The following AP1G2 variants were observed in gnomAD, a reference collection of about 807,000 sequenced individuals.
AP1G2 encodes the protein adaptor related protein complex 1 subunit gamma 2.
In AP1G2, 85 loss-of-function variants were observed where a neutral mutation model predicts 95.8. The ratio of observed to expected loss-of-function variants is 0.89; its 90% confidence interval spans 0.74 to 1.06. AP1G2 has a LOEUF of 1.06. Ranked by LOEUF, AP1G2 falls within the 50% of genes least tolerant of loss-of-function variation. The pLI is 0.00. For synonymous variants in AP1G2, 378 were observed against 400.0 expected, an observed-to-expected ratio of 0.94 and a Z score of 0.66; for missense variants, 967 against 1,005.8, an observed-to-expected ratio of 0.96 and a Z score of 0.52.
intron 14 of AP1G2, chr14:23,562,935 A>G: frequency 1.5e-6 from 1 of 646,952 alleles, no homozygotes; most frequent in Non-Finnish European, 2.2e-6. Flanking sequence ...TCAGAACTAC[A>G]TGGCCTAACC....
At chr14:23,562,212 T>C (rs1317870691) in intron 16 of AP1G2, 76 bp downstream of exon 16, 1 of 1,602,030 alleles carries the variant, frequency 6.2e-7, no homozygotes, top group Non-Finnish European at 8.5e-7. Context: ...GCTGGGCATG[T>C]ATGCCTGGAA....
chr14:23,567,026 C>A lies in AP1G2; in HGVS notation c.204+85G>T. 7.1e-7 allele frequency: 1 copy of A among 1,402,474 alleles called. No individual in the cohort carries two copies. The highest frequency in any genetic ancestry group is 2.5e-5 in the Admixed American group (1 of 39,854). The allele number at this position is 1,402,474 out of a possible 1,614,324, so 86.9% of individuals were successfully genotyped here. On this transcript the variant is annotated intron_variant, in intron 2 of 21. Coordinates refer to ENST00000397120, the MANE Select transcript of AP1G2 (RefSeq NM_003917.5). This position sits in a 1 kb window ranked among gnomAD's most constrained non-coding sequence, Gnocchi z 5.3. ...CTCTGAAATTGTAGAATTTAAAAAACCAGGGCATAAACAGGTGAGAGAGTC... is the reference window on the plus strand; with the variant it reads ...CTCTGAAATTGTAGAATTTAAAAAAACAGGGCATAAACAGGTGAGAGAGTC...
chr14:23,561,827 A>G (rs537656682), intron 17 of AP1G2, 135 bp downstream of exon 17: 3 of 1,468,136 alleles, frequency 2.0e-6, no homozygotes, highest in Admixed American at 4.8e-5. Context: ...CTTAGCTTCA[A>G]TTAACAGTGG....
rs768765712 is a variant in AP1G2, at chr14:23,564,062, C to G, written c.1075G>C (p.Asp359His). 9.3e-6 allele frequency: 15 copies of G among 1,614,046 alleles called. No homozygotes were observed. The highest frequency in any genetic ancestry group is 2.7e-5 in the African/African-American group (2 of 74,934). ...ACTGCTCACCGGCTGAGGGAGGCAT[C>G]AGTTTCCCGTAGACATTCCACCACA... ...PTVVECLRET[D>H]ASLSRRALEL... The change falls in exon 11 of 22, where the codon GAT becomes CAT. Residue 359 changes from aspartate to histidine, a missense_variant. Asp to His is a moderately conservative substitution (Grantham distance 81). Transcript: ENST00000397120.
Position 23,567,094 on chromosome 14 carries a change from GTATTC to G in AP1G2, c.204+12_204+16del, listed in dbSNP as rs1484151565. On this transcript the variant is annotated intron_variant, in intron 2 of 21. Transcript: ENST00000397120. The surrounding 1 kb of genome is among the most constrained non-coding windows in gnomAD (Gnocchi z 5.3). Reference sequence around the variant, plus strand: ...AGCCTTCATCAAGCTCAGGAGGGAGGTATTCCTGGCCAGTACCTGTCCAAAGTGGG... The same window carrying G: ...AGCCTTCATCAAGCTCAGGAGGGAGGCTGGCCAGTACCTGTCCAAAGTGGG... 6.2e-7 allele frequency: 1 copy of G among 1,603,660 alleles called. No individual in the cohort carries two copies. The highest frequency in any genetic ancestry group is 1.7e-5 in the Admixed American group (1 of 57,278).
At chr14:23,565,404 T>G (rs1201500716) in intron 7 of AP1G2, 1 of 716,370 alleles carries the variant, frequency 1.4e-6, no homozygotes, top group Non-Finnish European at 2.3e-6. Context: ...AAAAAAAAAT[T>G]GTTAACAAAC....
rs1260537467 is a variant in AP1G2 at position 23,566,297 on chromosome 14, C to T, written c.452G>A (p.Ser151Asn). ...TCTCACCTTCTTGCGCACGTAGGGA[C>T]TGGGCTGCAGGAGCAGTTTCTCCAC... The part of the protein sequence containing the change: ...PEVEKLLLQP[S>N]PYVRKKAILT... Residue 151 changes from serine to asparagine, a missense_variant, in exon 4 of 22, where the codon AGT (serine) becomes AAT (asparagine). Coordinates refer to ENST00000397120, the MANE Select transcript of AP1G2 (RefSeq NM_003917.5). 1 of 1,613,870 alleles carries T rather than the reference C, an allele frequency of 6.2e-7. No individual in the cohort carries two copies. The highest frequency in any genetic ancestry group is 8.5e-7 in the Non-Finnish European group (1 of 1,180,030).
rs1256491648 is a variant in AP1G2 at position 23,567,684 on chromosome 14, C to A, written c.-6+55G>T. 1 of 1,049,564 alleles carries A rather than the reference C, an allele frequency of 9.5e-7. No individual in the cohort carries two copies. Among genetic ancestry groups the A allele is most frequent in the Non-Finnish European group, 1.1e-6 (1 of 870,370 alleles). 65.0% of individuals were successfully genotyped at this position (1,049,564 alleles called of 1,614,324 possible). A position where few individuals can be genotyped will look rare whatever the true frequency, so the allele number is the denominator to read the frequency against. On this transcript the variant is annotated intron_variant, in intron 1 of 21. Transcript: ENST00000397120. This position sits in a 1 kb window ranked among gnomAD's most constrained non-coding sequence, Gnocchi z 5.3. ...GCGAGCTTCCTCCCCCGATTTCCAT[C>A]TCAGGCAGCGGCAGCGGCAGCGACA...
Position 23,567,363 on chromosome 14 carries a change from G to C in AP1G2, c.-5-44C>G. On this transcript the variant is annotated intron_variant, in intron 1 of 21. Coordinates refer to ENST00000397120, the MANE Select transcript of AP1G2 (RefSeq NM_003917.5). This position sits in a 1 kb window ranked among gnomAD's most constrained non-coding sequence, Gnocchi z 5.3. ...GGAGAAACACTCTCTGGTCGGGCGT[G>C]CCTGGGCTTTCGGCCCAGGCCCGTC... The C allele has an allele frequency of 6.3e-7, 1 of 1,576,310 alleles. No homozygotes were observed. The highest frequency in any genetic ancestry group is 1.1e-5 in the South Asian group (1 of 87,078).
In AP1G2 at chr14:23,567,441, C is replaced by T. The variant is rs1166087948; in HGVS notation, c.-5-122G>A. On this transcript the variant is annotated intron_variant, in intron 1 of 21. Transcript: ENST00000397120. The surrounding 1 kb of genome is among the most constrained non-coding windows in gnomAD (Gnocchi z 5.3). ...CCCACAGGTACCCTAAAATTGCGCC[C>T]GCATTTTACCTTTCCCGAAGTGGGT... is the stretch of plus-strand genomic sequence containing the variant. 3.5e-6 allele frequency: 5 copies of T among 1,415,022 alleles called. No homozygotes were observed. The South Asian group carries it at 6.0e-5, about 17-fold the overall frequency. The allele number at this position is 1,415,022 out of a possible 1,614,324, so 87.7% of individuals were successfully genotyped here.
intron 14 of AP1G2, chr14:23,562,802 G>A (rs1885726688): frequency 1.6e-6 from 1 of 609,210 alleles, no homozygotes; most frequent in Non-Finnish European, 2.8e-6. Flanking sequence ...AGTGTCTGAG[G>A]TCCCCTCCTC....
Position 23,561,320 on chromosome 14 carries a change from G to C in AP1G2, c.1969C>G (p.Leu657Val), listed in dbSNP as rs770911514. ...PGGALVHLLDLPCVPPPPAPI... is the reference protein window; with the variant it reads ...PGGALVHLLDVPCVPPPPAPI... ...CCTGGGGGTGGAGGTACACAGGGAA[G>C]GTCAAGCAGGTGTACCAGGGCACCT... The change falls in exon 19 of 22, where the codon CTT (leucine) becomes GTT (valine). Residue 657 changes from leucine (L) to valine (V), a missense_variant. By Grantham distance (32) the Leu-to-Val change is conservative (BLOSUM62 1). Transcript: ENST00000397120. 6.4e-7 allele frequency: 1 copy of C among 1,556,126 alleles called. No homozygotes were observed. The highest frequency in any genetic ancestry group is 1.2e-5 in the South Asian group (1 of 81,954).
Position 23,563,857 on chromosome 14 carries a change from C to G in AP1G2, c.1092-1G>C. The G allele has an allele frequency of 6.2e-7, 1 of 1,613,396 alleles. No individual in the cohort carries two copies. The highest frequency in any genetic ancestry group is 1.1e-5 in the South Asian group (1 of 91,034). On this transcript the variant is annotated splice_acceptor_variant, in intron 11 of 21. Transcript: ENST00000397120. LOFTEE classifies it high-confidence loss of function. The stretch of plus-strand genomic sequence containing the variant: ...AGCCAGGCTTAGTTCCAGGGCTCTC[C>G]TGGCAGGAGAAAGAGGTTTCCATGC...
chr14:23,562,497 G>A lies in AP1G2; in HGVS notation c.1500+7C>T. The stretch of plus-strand genomic sequence containing the variant: ...CCCTCCTCAGTGTACCCCCAATGAG[G>A]TCTCACCTGAAGGGGCTCAATCTCC... On this transcript the variant is annotated splice_region_variant and intron_variant, in intron 15 of 21. Transcript: ENST00000397120. 1 of 1,614,174 alleles carries A rather than the reference G, an allele frequency of 6.2e-7. No individual in the cohort carries two copies. Among genetic ancestry groups the A allele is most frequent in the South Asian group, 1.1e-5 (1 of 91,082 alleles).
chr14:23,559,680 A>G lies in AP1G2; in HGVS notation c.*69T>C. 7.1e-7 allele frequency: 1 copy of G among 1,414,792 alleles called. No individual in the cohort carries two copies. The allele number at this position is 1,414,792 out of a possible 1,614,324, so 87.6% of individuals were successfully genotyped here. ...CCACCTGCTGGTAGCCCTCAGGTGT[A>G]GGTTCGAAGCTGCTGGGGCCCCCTG... On this transcript the variant is annotated 3_prime_UTR_variant, in exon 22 of 22. Coordinates refer to ENST00000397120, the MANE Select transcript of AP1G2 (RefSeq NM_003917.5).
rs1420263452 is a variant in AP1G2, at chr14:23,565,958, CTG to C, written c.569-68_569-67del. ...GCAAGAGAGTCTATTGCGTGTGTGC[CTG>C]TGTGTGTGCACTACCCTTCTCCTGT... On this transcript the variant is annotated intron_variant, in intron 5 of 21. Coordinates refer to ENST00000397120, the MANE Select transcript of AP1G2 (RefSeq NM_003917.5). 11 of 1,607,722 alleles carry C rather than the reference CTG, an allele frequency of 6.8e-6. No individual in the cohort carries two copies. The East Asian group carries it at 2.2e-4, about 33-fold the overall frequency.
chr14:23,564,481 G>C lies in AP1G2; in HGVS notation c.921+81C>G. 5.0e-6 allele frequency: 8 copies of C among 1,600,166 alleles called. No individual in the cohort carries two copies. In the South Asian group the frequency reaches 8.8e-5, roughly 18 times the overall value. On this transcript the variant is annotated intron_variant, in intron 9 of 21. Transcript: ENST00000397120. ...ACATTGGCGCAAGATGATGGGGCTA[G>C]GAGGGAGAAACCAGCAAGCAGGACC...
intron 2 of AP1G2, 35 bp from the exon 3 acceptor site, chr14:23,566,721 G>C (rs1384531555): frequency 1.2e-6 from 2 of 1,609,246 alleles, no homozygotes; most frequent in Non-Finnish European, 1.7e-6. Flanking sequence ...AAGAGGCAGG[G>C]GTGAAACCAT....
Position 23,561,423 on chromosome 14 carries a change from CTG to C in AP1G2, c.1864_1865del (p.Gln622AlafsTer34). The part of the protein sequence containing the change: ...APVPTEPQAS[Q>X]LLDLLDLLDG... The stretch of plus-strand genomic sequence containing the variant: ...CCAGGAGATCTAGCAGATCCAGGAG[CTG>C]TGAGGCCTGGCAGAAGGGACAGAAG... On this transcript the variant is annotated frameshift_variant, in exon 19 of 22. Coordinates refer to ENST00000397120, the MANE Select transcript of AP1G2 (RefSeq NM_003917.5). LOFTEE classifies it high-confidence loss of function. 6.2e-7 allele frequency: 1 copy of C among 1,610,496 alleles called. No homozygotes were observed. The highest frequency in any genetic ancestry group is 1.1e-5 in the South Asian group (1 of 90,918).
Sources: gnomAD v4.1 joint callset for allele counts on GRCh38, gnomAD v4.1.1 for gene constraint, Gnocchi (gnomAD v3.1) non-coding constraint, MANE v1.5 for transcripts, NCBI Gene and HGNC (gene_info 2026-07-23, HGNC 2026-07-21) for gene names.